KCNC2: variants seen among roughly 807,000 people sequenced by gnomAD.
The protein encoded by KCNC2 is voltage-gated potassium channel KCNC2.
In KCNC2, 21 loss-of-function variants were observed where a neutral mutation model predicts 44.5. The ratio of observed to expected loss-of-function variants is 0.47; its 90% CI spans 0.33 to 0.68. The LOEUF (loss-of-function observed/expected upper bound fraction) is 0.68, where lower values mean the gene tolerates loss of function less well. Ranked by LOEUF, KCNC2 falls within the 30% of genes least tolerant of loss-of-function variation. The pLI is 0.01. For synonymous variants in KCNC2, 391 were observed against 339.1 expected (o/e 1.15, Z -1.68); for missense variants, 589 against 826.2 (o/e 0.71, Z 3.52).
intron 2 of KCNC2, among the ~76,000 whole-genome samples, chr12:75,156,509 A>C (rs1355546998): frequency 6.6e-6 from 1 of 151,770 alleles, no homozygotes; most frequent in Non-Finnish European, 1.5e-5. Flanking sequence ...ATTACAGAAA[A>C]AGTGTATTGA....
intron 2 of KCNC2, among the ~76,000 whole-genome samples, chr12:75,109,758 G>C (rs999479900): frequency 6.6e-6 from 1 of 151,856 alleles, no homozygotes. Flanking sequence ...AGAAAACTGT[G>C]GATAAAGTTC....
chr12:75,047,705 A>G (rs1225359522), intron 4 of KCNC2, among the ~76,000 whole-genome samples: 1 of 152,086 alleles, frequency 6.6e-6, no homozygotes. Context: ...AACATTAGAG[A>G]ACGTTTAATG....
At chr12:75,111,997 A>C (rs1330662897) in intron 2 of KCNC2, among the ~76,000 whole-genome samples, 1 of 138,826 alleles carries the variant, frequency 7.2e-6, no homozygotes, top group Non-Finnish European at 1.5e-5. Context: ...GAAAAAATTC[A>C]ATAAAAATAA....
chr12:75,164,734 C>A (rs1055667669), intron 2 of KCNC2, among the ~76,000 whole-genome samples: 1 of 151,648 alleles, frequency 6.6e-6, no homozygotes, highest in African/African-American at 2.4e-5. Flanking sequence ...TCTATTTAAT[C>A]TATGAGAATA....
intron 1 of KCNC2, among the ~76,000 whole-genome samples, chr12:75,208,583 C>G (rs1469432471): frequency 2.0e-5 from 3 of 147,192 alleles, no homozygotes; most frequent in African/African-American, 5.0e-5. Context: ...ACCCTCCCCC[C>G]ACCCTGTGAA....
chr12:75,066,072 A>C (rs1345099776), intron 2 of KCNC2, among the ~76,000 whole-genome samples: 1 of 152,110 alleles, frequency 6.6e-6, no homozygotes, highest in Non-Finnish European at 1.5e-5. Context: ...TCTTTTATAG[A>C]AGTAGAATAA....
At chr12:75,179,723 T>C (rs1414705072) in intron 2 of KCNC2, among the ~76,000 whole-genome samples, 1 of 149,830 alleles carries the variant, frequency 6.7e-6, no homozygotes, top group South Asian at 2.1e-4. Context: ...TTATAAAAAC[T>C]ATAAAAGATA....
At chr12:75,129,740 AAAC>A (rs1418909490) in intron 2 of KCNC2, among the ~76,000 whole-genome samples, 1 of 152,224 alleles carries the variant, frequency 6.6e-6, no homozygotes, top group Non-Finnish European at 1.5e-5. Context: ...GCTAGAAACA[AAAC>A]AATCTGAATG....
chr12:75,069,291 C>T (rs1565825986), intron 2 of KCNC2, among the ~76,000 whole-genome samples: 7 of 151,710 alleles, frequency 4.6e-5, no homozygotes, highest in South Asian at 4.2e-4. Flanking sequence ...TGCGCCACCA[C>T]GCCCAGCTAA....
chr12:75,080,885 C>T (rs988321140), intron 2 of KCNC2, among the ~76,000 whole-genome samples: 1 of 152,020 alleles, frequency 6.6e-6, no homozygotes, highest in African/African-American at 2.4e-5. Flanking sequence ...TCTATGACAG[C>T]ATAGCCCTCA....
At chr12:75,122,363 A>G (rs961807279) in intron 2 of KCNC2, among the ~76,000 whole-genome samples, 2 of 152,236 alleles carry the variant, frequency 1.3e-5, no homozygotes, top group Non-Finnish European at 2.9e-5. Context: ...TATAAGGTAG[A>G]AAGAGAAGAG....
intron 2 of KCNC2, among the ~76,000 whole-genome samples, chr12:75,057,597 C>T (rs1881880129): frequency 2.6e-5 from 4 of 151,904 alleles, no homozygotes; most frequent in African/African-American, 7.2e-5. Context: ...GCTTGGAAAT[C>T]AGTAAAAAAG....
rs1880040085 is a variant in KCNC2, at chr12:75,042,618, A to C, written c.*487T>G. On this transcript the variant is annotated 3_prime_UTR_variant, in exon 5 of 5. Transcript: ENST00000549446. ...ATCCTGAGCTATCCACAGTCCCCGA[A>C]CTCTGCAACATTGCTTTCAGGTGAT... The C allele has an allele frequency of 7.8e-7, 1 of 1,280,894 alleles. No homozygotes were observed. The allele number at this position is 1,280,894 out of a possible 1,614,324, so 79.3% of individuals were successfully genotyped here. A position where few individuals can be genotyped will look rare whatever the true frequency, so the allele number is the denominator to read the frequency against.
intron 3 of KCNC2, 112 bp downstream of exon 3, chr12:75,050,278 T>C (rs1881024163): frequency 1.3e-6 from 1 of 797,060 alleles, no homozygotes. Flanking sequence ...GTGAAAGGGT[T>C]AGGGCTGAAA....
intron 2 of KCNC2, among the ~76,000 whole-genome samples, chr12:75,060,534 C>T (rs1045221098): frequency 3.3e-5 from 5 of 152,010 alleles, no homozygotes; most frequent in Admixed American, 1.3e-4. Context: ...GGTGAAATCA[C>T]GGGTCATTGC....
At position 75,041,234 on chromosome 12, in the gene KCNC2, A is replaced by G; in HGVS notation, c.*1871T>C. ...GTAGTCAATAACAGCAGCACCAGAC[A>G]GCATATTAATTCTTTTACCATAAAT... On this transcript the variant is annotated 3_prime_UTR_variant, in exon 5 of 5. Transcript: ENST00000549446. 1.3e-6 allele frequency: 2 copies of G among 1,593,992 alleles called. No individual in the cohort carries two copies. The highest frequency in any genetic ancestry group is 1.7e-6 in the Non-Finnish European group (2 of 1,177,022).
intron 2 of KCNC2, among the ~76,000 whole-genome samples, chr12:75,205,958 C>T (rs1593098125): frequency 1.3e-5 from 2 of 149,226 alleles, no homozygotes; most frequent in African/African-American, 4.9e-5. Context: ...TATGTGTATG[C>T]AGGCATGTTA....
At chr12:75,094,914 G>A (rs866342643) in intron 2 of KCNC2, among the ~76,000 whole-genome samples, 10 of 151,728 alleles carry the variant, frequency 6.6e-5, no homozygotes, top group Middle Eastern at 3.2e-3. Context: ...ATTAGCTACT[G>A]CTTAGAAATA....
At chr12:75,103,711 C>T (rs1338923297) in intron 2 of KCNC2, among the ~76,000 whole-genome samples, 1 of 152,138 alleles carries the variant, frequency 6.6e-6, no homozygotes, top group East Asian at 1.9e-4. Flanking sequence ...AAATGGATGC[C>T]TGAAACTGCA....
Sources: gnomAD v4.1 joint callset for allele counts (sites outside exome capture counted in the v4.1 genomes callset) on GRCh38, gnomAD v4.1.1 for gene constraint, MANE v1.5 for transcripts, NCBI Gene and HGNC (gene_info 2026-07-23, HGNC 2026-07-21) for gene names.